The following WWOX variants were observed in gnomAD, a reference collection of about 807,000 sequenced individuals.
WWOX encodes the protein WW domain containing oxidoreductase, also known as WW domain-containing oxidoreductase.
Under a neutral mutation model 46.2 loss-of-function variants are expected in WWOX, and 69 were observed. The ratio of observed to expected loss-of-function variants is 1.49; its 90% CI spans 1.23 to 1.82. The LOEUF (loss-of-function observed/expected upper bound fraction) is 1.82. Among genes scored for constraint, WWOX ranks in the 40% most tolerant of loss-of-function variants. The pLI is 0.00. For missense variants in WWOX, 919 were observed against 542.6 expected (o/e 1.69, Z -6.89); for synonymous variants, 359 against 202.6 (o/e 1.77, Z -6.56).
chr16:78,481,161 A>G (rs1375386242), intron 8 of WWOX, among the ~76,000 whole-genome samples: 1 of 152,234 alleles, frequency 6.6e-6, no homozygotes, highest in African/African-American at 2.4e-5. Context: ...GTAGTAGCTA[A>G]TAGAATGATC....
chr16:78,715,055 A>G (rs1196628122), intron 8 of WWOX, among the ~76,000 whole-genome samples: 5 of 152,102 alleles, frequency 3.3e-5, no homozygotes, highest in East Asian at 1.9e-4. Context: ...TCCAGGTGGG[A>G]TGATTGCTTG....
At chr16:78,768,781 T>C (rs2049989730) in intron 8 of WWOX, among the ~76,000 whole-genome samples, 1 of 152,146 alleles carries the variant, frequency 6.6e-6, no homozygotes, top group Non-Finnish European at 1.5e-5. Flanking sequence ...CTGGTGGGTC[T>C]TTTTGTGGAA....
intron 8 of WWOX, among the ~76,000 whole-genome samples, chr16:78,933,605 G>A (rs1023417596): frequency 6.6e-6 from 1 of 152,142 alleles, no homozygotes. Flanking sequence ...ACCCGAGACT[G>A]GGCAATTTAC....
intron 5 of WWOX, among the ~76,000 whole-genome samples, chr16:78,267,409 T>C (rs1293126437): frequency 6.6e-6 from 1 of 152,260 alleles, no homozygotes; most frequent in Non-Finnish European, 1.5e-5. Flanking sequence ...ATTTTCTGCA[T>C]TTGCACAATT....
intron 8 of WWOX, among the ~76,000 whole-genome samples, chr16:78,438,908 C>T (rs1260833709): frequency 6.6e-6 from 1 of 152,090 alleles, no homozygotes; most frequent in South Asian, 2.1e-4. Flanking sequence ...TTCGTGAAAG[C>T]CAAACGGGGT....
At chr16:78,707,612 G>T (rs1433480971) in intron 8 of WWOX, among the ~76,000 whole-genome samples, 1 of 152,128 alleles carries the variant, frequency 6.6e-6, no homozygotes, top group African/African-American at 2.4e-5. Flanking sequence ...GCCCAGCATG[G>T]TGTCTCATGC....
chr16:79,042,728 G>GTTTTTTTTTTTTTTTTTT (rs11379084), intron 8 of WWOX, among the ~76,000 whole-genome samples: 1 of 143,124 alleles, frequency 7.0e-6, no homozygotes. Context: ...AATACTCAGG[G>GTTTTTTTTTTTTTTTTTT]TTTTTTTTTT....
chr16:78,940,997 GTTGGGATGTATATATCACTTTTCCC>G lies in WWOX; in HGVS notation c.1057-270607_1057-270583del, dbSNP rs1307037851. ...AAGGGTCTTCTGGAACCTGCATGGT[GTTGGGATGTATATATCACTTTTCCC>G]TTGTTATGACCAGAAAGACTCACAG... is the stretch of plus-strand genomic sequence containing the variant. On this transcript the variant is annotated intron_variant, in intron 8 of 8. Transcript: ENST00000566780. 5.3e-5 allele frequency among the ~76,000 whole-genome samples: 8 copies of G among 151,854 alleles called. No individual in the cohort carries two copies. The East Asian group carries it at 1.6e-3, about 29-fold the overall frequency.
rs76347361 is a variant in WWOX at position 78,850,534 on chromosome 16, A to G, written c.1057-361074A>G. Among the ~76,000 whole-genome samples, 415 of 152,316 alleles carry G rather than the reference A, an allele frequency of 2.7e-3. 6 individuals carry two copies. In the East Asian group the frequency reaches 0.03, roughly 11 times the overall value. ...TTTTACTGCTAAGAATAATGTTGCAATGAAACGTTTGTATATAATGCTGTT... is the reference window on the plus strand; with the variant it reads ...TTTTACTGCTAAGAATAATGTTGCAGTGAAACGTTTGTATATAATGCTGTT... On this transcript the variant is annotated intron_variant, in intron 8 of 8. Transcript: ENST00000566780.
intron 5 of WWOX, among the ~76,000 whole-genome samples, chr16:78,318,993 T>A (rs1236068753): frequency 6.6e-6 from 1 of 152,152 alleles, no homozygotes; most frequent in Admixed American, 6.5e-5. Context: ...AGATTGCAGA[T>A]GAAATTCAAG....
chr16:78,361,289 A>T (rs1017079500), intron 5 of WWOX, among the ~76,000 whole-genome samples: 2 of 152,230 alleles, frequency 1.3e-5, no homozygotes, highest in Admixed American at 6.5e-5. Context: ...CAGGTAGAAC[A>T]TAATGTTGAT....
chr16:79,184,995 A>T (rs1409776603), intron 8 of WWOX, among the ~76,000 whole-genome samples: 3 of 152,226 alleles, frequency 2.0e-5, no homozygotes, highest in African/African-American at 7.2e-5. Context: ...TGAAACATTT[A>T]TGCTGTTTAT....
chr16:78,891,723 A>G (rs996124519), intron 8 of WWOX: 54 of 152,332 alleles, frequency 3.5e-4, no homozygotes, highest in African/African-American at 1.2e-3. Context: ...TGGTCAAGAA[A>G]GAGTCTCAGA....
At position 78,215,325 on chromosome 16, in the gene WWOX, C is replaced by A. The variant is rs2036685013; in HGVS notation, c.516+51036C>A. Among the ~76,000 whole-genome samples the A allele has an allele frequency of 2.0e-5, 3 of 152,190 alleles. No individual in the cohort carries two copies. The South Asian group carries it at 6.2e-4, about 32-fold the overall frequency. On this transcript the variant is annotated intron_variant, in intron 5 of 8. Coordinates refer to ENST00000566780, the MANE Select transcript of WWOX (RefSeq NM_016373.4). ...AAATCTCATTTTGAACTGTAATCTCCATAATCCCTACGTGCCAGGTAGGGA... is the reference window on the plus strand; with the variant it reads ...AAATCTCATTTTGAACTGTAATCTCAATAATCCCTACGTGCCAGGTAGGGA...
chr16:78,912,435 C>G (rs748922618), intron 8 of WWOX, among the ~76,000 whole-genome samples: 1 of 151,872 alleles, frequency 6.6e-6, no homozygotes, highest in Non-Finnish European at 1.5e-5. Flanking sequence ...TAGATGGCAG[C>G]TCAAGGGGTT....
At chr16:78,478,842 C>G (rs1416102791) in intron 8 of WWOX, among the ~76,000 whole-genome samples, 1 of 152,218 alleles carries the variant, frequency 6.6e-6, no homozygotes, top group African/African-American at 2.4e-5. Flanking sequence ...TTTCTCTCCC[C>G]TTTCCTTGGA....
intron 4 of WWOX, among the ~76,000 whole-genome samples, chr16:78,153,516 G>T (rs1352261784): frequency 6.6e-6 from 1 of 152,076 alleles, no homozygotes; most frequent in Non-Finnish European, 1.5e-5. Flanking sequence ...CATAATGGCA[G>T]ATCTCCAGGG....
At chr16:78,411,000 G>C (rs1162399324) in intron 6 of WWOX, among the ~76,000 whole-genome samples, 1 of 152,154 alleles carries the variant, frequency 6.6e-6, no homozygotes, top group Admixed American at 6.5e-5. Flanking sequence ...TCATGGGGCA[G>C]TTGATAACAC....
chr16:78,778,695 A>T (rs2050250867), intron 8 of WWOX, among the ~76,000 whole-genome samples: 1 of 152,150 alleles, frequency 6.6e-6, no homozygotes, highest in African/African-American at 2.4e-5. Context: ...CTCCTGTTTG[A>T]GTTCAAGGGA....
Sources: gnomAD v4.1 joint callset for allele counts (sites outside exome capture counted in the v4.1 genomes callset) on GRCh38, gnomAD v4.1.1 for gene constraint, MANE v1.5 for transcripts, NCBI Gene and HGNC (gene_info 2026-07-23, HGNC 2026-07-21) for gene names.